The following USP34 variants were observed in gnomAD, a reference collection of about 807,000 sequenced individuals.
USP34 encodes ubiquitin specific peptidase 34, also known as ubiquitin carboxyl-terminal hydrolase 34.
A neutral mutation model predicts 460.3 loss-of-function variants in USP34; 70 were observed. That is an observed-to-expected ratio of 0.15 (90% CI 0.13 to 0.19). USP34 has a LOEUF of 0.19. USP34 is among the 10% of genes least tolerant of loss of function. The probability of loss-of-function intolerance (pLI) is 1.00; values close to 1 mark genes in which losing one functional copy is unlikely to be tolerated. For missense variants in USP34, 3,985 were observed against 4,236.2 expected, an observed-to-expected ratio of 0.94 and a Z score of 1.65; for synonymous variants, 1,647 against 1,405.3, an observed-to-expected ratio of 1.17 and a Z score of -3.85.
intron 33 of USP34, among the ~76,000 whole-genome samples, chr2:61,289,315 G>A (rs986376223): frequency 6.6e-6 from 1 of 152,010 alleles, no homozygotes; most frequent in Admixed American, 6.6e-5. Context: ...AATACTTACG[G>A]ACCAAAGCAA....
chr2:61,313,489 T>G (rs1333379930), intron 25 of USP34, among the ~76,000 whole-genome samples: 4 of 152,266 alleles, frequency 2.6e-5, no homozygotes, highest in African/African-American at 4.8e-5. Flanking sequence ...ATTAACAGTA[T>G]CTCCACGAGG....
intron 34 of USP34, among the ~76,000 whole-genome samples, chr2:61,286,093 A>T (rs935810880): frequency 6.6e-6 from 1 of 152,220 alleles, no homozygotes; most frequent in African/African-American, 2.4e-5. Context: ...AAACTTCCAG[A>T]AAAATTGATG....
At chr2:61,271,724 T>C (rs909622519) in intron 41 of USP34, among the ~76,000 whole-genome samples, 5 of 151,952 alleles carry the variant, frequency 3.3e-5, no homozygotes, top group African/African-American at 1.2e-4. Flanking sequence ...GAGGAAGCAG[T>C]AGTAGTGATA....
chr2:61,433,129 C>G (rs1461489903), intron 1 of USP34, among the ~76,000 whole-genome samples: 37 of 152,092 alleles, frequency 2.4e-4, no homozygotes, highest in Non-Finnish European at 4.4e-5. Context: ...TCAGAGAGAC[C>G]ATCTGAGTGC....
rs562088619 is a variant in USP34, at chr2:61,348,731, A to G, written c.1674+25T>C. Reference sequence around the variant, plus strand: ...CGCCAGAAAGCCAAAAATGCCTATAAAAGAAGAAAAACCTATTTTCATACC... The same window carrying G: ...CGCCAGAAAGCCAAAAATGCCTATAGAAGAAGAAAAACCTATTTTCATACC... On this transcript the variant is annotated intron_variant, in intron 14 of 79. Coordinates refer to ENST00000398571, the MANE Select transcript of USP34 (RefSeq NM_014709.4). 7 of 1,601,344 alleles carry G rather than the reference A, an allele frequency of 4.4e-6. No homozygotes were observed. The African/African-American group carries it at 6.8e-5, about 15-fold the overall frequency.
chr2:61,431,906 T>C (rs903863196), intron 1 of USP34, among the ~76,000 whole-genome samples: 2 of 152,016 alleles, frequency 1.3e-5, no homozygotes, highest in African/African-American at 4.8e-5. Context: ...ATTTTGAATG[T>C]TCCCAACACA....
At chr2:61,233,526 C>G (rs1276195760) in intron 57 of USP34, among the ~76,000 whole-genome samples, 5 of 151,936 alleles carry the variant, frequency 3.3e-5, no homozygotes, top group African/African-American at 9.7e-5. Flanking sequence ...TATTAGATGA[C>G]AAGAATAAAT....
Position 61,318,099 on chromosome 2 carries a change from G to A in USP34, c.3169-332C>T, listed in dbSNP as rs567009632. 7.9e-5 allele frequency among the ~76,000 whole-genome samples: 12 copies of A among 151,162 alleles called. No homozygotes were observed. The East Asian group carries it at 2.3e-3, about 30-fold the overall frequency. Reference sequence around the variant, plus strand: ...TCCCAACTACTCGGGAGGCTGTAGTGGGAGAATTGCTTGAGCCTGGGAGGT... The same window carrying A: ...TCCCAACTACTCGGGAGGCTGTAGTAGGAGAATTGCTTGAGCCTGGGAGGT... On this transcript the variant is annotated intron_variant, in intron 22 of 79. Coordinates refer to ENST00000398571, the MANE Select transcript of USP34 (RefSeq NM_014709.4).
chr2:61,387,692 T>C (rs1693199294), intron 5 of USP34, among the ~76,000 whole-genome samples: 1 of 144,396 alleles, frequency 6.9e-6, no homozygotes, highest in Non-Finnish European at 1.5e-5. Context: ...TATTTTTACA[T>C]ATACACACAT....
chr2:61,466,521 T>C (rs1040853316), intron 1 of USP34, among the ~76,000 whole-genome samples: 1 of 152,206 alleles, frequency 6.6e-6, no homozygotes, highest in Admixed American at 6.6e-5. Flanking sequence ...ATATACTAAT[T>C]AACTTCAACT....
chr2:61,271,296 C>CT (rs1689206360), intron 41 of USP34, among the ~76,000 whole-genome samples: 1 of 152,192 alleles, frequency 6.6e-6, no homozygotes, highest in Non-Finnish European at 1.5e-5. Context: ...GCTTTATCTT[C>CT]TTCAAAGCCT....
intron 7 of USP34, among the ~76,000 whole-genome samples, chr2:61,379,249 T>C (rs1473984902): frequency 2.0e-5 from 3 of 151,974 alleles, no homozygotes; most frequent in Non-Finnish European, 4.4e-5. Context: ...CCAGGTGGGG[T>C]GGCTCACGCC....
intron 41 of USP34, 111 bp downstream of exon 41, chr2:61,278,054 C>T: frequency 7.7e-7 from 1 of 1,297,130 alleles, no homozygotes; most frequent in Non-Finnish European, 1.0e-6. Context: ...TGTAAACTGC[C>T]CAGTCTCGGG....
At chr2:61,409,512 G>A (rs961254917) in intron 2 of USP34, among the ~76,000 whole-genome samples, 4 of 151,980 alleles carry the variant, frequency 2.6e-5, no homozygotes, top group East Asian at 1.9e-4. Context: ...TCAGGAGTTC[G>A]AGACCAGCCT....
chr2:61,410,917 G>A (rs564731587), intron 2 of USP34, among the ~76,000 whole-genome samples: 1 of 152,208 alleles, frequency 6.6e-6, no homozygotes, highest in East Asian at 1.9e-4. Context: ...TATCTCTAAA[G>A]GCAGGGATGA....
At chr2:61,330,198 T>C (rs1458403678) in intron 20 of USP34, among the ~76,000 whole-genome samples, 2 of 152,208 alleles carry the variant, frequency 1.3e-5, no homozygotes, top group African/African-American at 4.8e-5. Flanking sequence ...TGTCATATCA[T>C]ATAGCTTCAG....
intron 43 of USP34, among the ~76,000 whole-genome samples, chr2:61,262,448 T>C (rs1688917677): frequency 6.6e-6 from 1 of 152,206 alleles, no homozygotes; most frequent in Non-Finnish European, 1.5e-5. Context: ...TGGTTCCCTG[T>C]TGCTATGTTA....
intron 10 of USP34, among the ~76,000 whole-genome samples, chr2:61,368,383 G>A (rs1692503541): frequency 6.6e-6 from 1 of 151,658 alleles, no homozygotes; most frequent in African/African-American, 2.4e-5. Flanking sequence ...TGTGAGCCAA[G>A]ATCACGCCAC....
At chr2:61,393,021 A>T (rs752131385) in intron 5 of USP34, among the ~76,000 whole-genome samples, 2 of 152,228 alleles carry the variant, frequency 1.3e-5, no homozygotes, top group Non-Finnish European at 2.9e-5. Context: ...CAGTTACTAC[A>T]CACTTTATAT....
Sources: gnomAD v4.1 joint callset for allele counts (sites outside exome capture counted in the v4.1 genomes callset) on GRCh38, gnomAD v4.1.1 for gene constraint, MANE v1.5 for transcripts, NCBI Gene and HGNC (gene_info 2026-07-23, HGNC 2026-07-21) for gene names.